SLC31A1: variants seen among roughly 807,000 people sequenced by gnomAD.
SLC31A1 encodes the protein high affinity copper uptake protein 1.
A neutral mutation model predicts 17.2 loss-of-function variants in SLC31A1; 5 were observed. The observed-to-expected ratio is 0.29, with a 90% CI of 0.15 to 0.61. The LOEUF (loss-of-function observed/expected upper bound fraction) is 0.61, where lower values mean the gene tolerates loss of function less well. Ranked by LOEUF, SLC31A1 falls within the 20% of genes least tolerant of loss-of-function variation. The pLI is 0.86. For synonymous variants in SLC31A1, 76 were observed against 78.8 expected (o/e 0.96, Z 0.19); for missense variants, 161 against 241.4 (o/e 0.67, Z 2.21).
At chr9:113,245,598 T>C (rs1260759419) in intron 1 of SLC31A1, among the ~76,000 whole-genome samples, 1 of 152,106 alleles carries the variant, frequency 6.6e-6, no homozygotes, top group Non-Finnish European at 1.5e-5. Context: ...ACTACGTTTT[T>C]TCCAAGCAAC....
At chr9:113,234,337 C>T (rs1357578293) in intron 1 of SLC31A1, among the ~76,000 whole-genome samples, 2 of 151,720 alleles carry the variant, frequency 1.3e-5, no homozygotes, top group East Asian at 3.9e-4. Flanking sequence ...CCGCTACGTC[C>T]AGCTAATTTT....
chr9:113,228,892 G>C (rs1587986966), intron 1 of SLC31A1, among the ~76,000 whole-genome samples: 1 of 152,224 alleles, frequency 6.6e-6, no homozygotes, highest in African/African-American at 2.4e-5. Flanking sequence ...TGTTGCCCAG[G>C]CTGAAGTGCA....
At chr9:113,246,404 T>G (rs1004396925) in intron 1 of SLC31A1, among the ~76,000 whole-genome samples, 8 of 151,564 alleles carry the variant, frequency 5.3e-5, no homozygotes, top group African/African-American at 9.7e-5. Flanking sequence ...CAGGCTGGAG[T>G]GCAGTGGCAC....
At chr9:113,254,832 G>A (rs1184432737) in intron 1 of SLC31A1, among the ~76,000 whole-genome samples, 1 of 152,016 alleles carries the variant, frequency 6.6e-6, no homozygotes, top group Non-Finnish European at 1.5e-5. Context: ...CCAGGAGGCA[G>A]AGGTTGCAGT....
chr9:113,243,503 C>T (rs10817465), intron 1 of SLC31A1, among the ~76,000 whole-genome samples: 89,047 of 150,568 alleles, frequency 0.59, 26,344 homozygotes, highest in East Asian at 0.73. Context: ...AAAGATGAAA[C>T]TTATGATAGA....
intron 1 of SLC31A1, among the ~76,000 whole-genome samples, chr9:113,252,929 C>T (rs1397404720): frequency 1.3e-5 from 2 of 149,530 alleles, no homozygotes; most frequent in African/African-American, 2.5e-5. Flanking sequence ...TCCTGGCTAG[C>T]GAAAGTCTTT....
At chr9:113,232,911 G>A (rs1016649477) in intron 1 of SLC31A1, among the ~76,000 whole-genome samples, 3 of 151,946 alleles carry the variant, frequency 2.0e-5, no homozygotes, top group Admixed American at 6.6e-5. Context: ...GACAAATCAA[G>A]GATTTGAGGA....
At chr9:113,259,442 A>G (rs2118519492) in intron 4 of SLC31A1, among the ~76,000 whole-genome samples, 1 of 152,246 alleles carries the variant, frequency 6.6e-6, no homozygotes, top group Non-Finnish European at 1.5e-5. Context: ...TATTGTACTG[A>G]TGAGCTTACT....
At chr9:113,241,691 C>T (rs1479145243) in intron 1 of SLC31A1, among the ~76,000 whole-genome samples, 1 of 152,104 alleles carries the variant, frequency 6.6e-6, no homozygotes, top group Non-Finnish European at 1.5e-5. Flanking sequence ...TTGTTTGGAG[C>T]CAGACTTCTC....
At chr9:113,234,084 A>G (rs917565474) in intron 1 of SLC31A1, among the ~76,000 whole-genome samples, 3 of 152,074 alleles carry the variant, frequency 2.0e-5, no homozygotes, top group Non-Finnish European at 4.4e-5. Context: ...CCTTGAGTAC[A>G]CACATATACA....
intron 1 of SLC31A1, among the ~76,000 whole-genome samples, chr9:113,224,324 G>A (rs1587985258): frequency 6.6e-6 from 1 of 152,130 alleles, no homozygotes; most frequent in East Asian, 1.9e-4. Context: ...CACTTGCAAA[G>A]CAGTCTCACT....
chr9:113,250,517 G>T (rs1831637022), intron 1 of SLC31A1, among the ~76,000 whole-genome samples: 1 of 146,538 alleles, frequency 6.8e-6, no homozygotes, highest in South Asian at 2.3e-4. Flanking sequence ...ATCACACTCT[G>T]GGGACTGTTG....
intron 1 of SLC31A1, among the ~76,000 whole-genome samples, chr9:113,237,274 C>G (rs931407850): frequency 2.6e-5 from 4 of 152,170 alleles, no homozygotes; most frequent in Non-Finnish European, 5.9e-5. Flanking sequence ...CACAACTGCT[C>G]TGGAGGGGGG....
chr9:113,251,441 AT>A (rs1831652647), intron 1 of SLC31A1, among the ~76,000 whole-genome samples: 2 of 152,072 alleles, frequency 1.3e-5, no homozygotes, highest in Non-Finnish European at 2.9e-5. Flanking sequence ...AAAATAAAAA[AT>A]AAAAATAGAG....
At chr9:113,257,029 T>C (rs1034131226) in intron 2 of SLC31A1, 84 bp from the exon 3 acceptor site, 1 of 1,121,524 alleles carries the variant, frequency 8.9e-7, no homozygotes, top group African/African-American at 1.5e-5. Context: ...TCTTCTACTT[T>C]TAAATGTTCT....
In SLC31A1 at chr9:113,260,580, T is replaced by TACACACACACACACACACACACACAC. The variant is rs57266996; in HGVS notation, c.*114_*139dup. ...CCCTTCTTGCTCCTCTTTGTGCACG[T>TACACACACACACACACACACACACAC]ACACACACACACACACACACACACA... is the stretch of plus-strand genomic sequence containing the variant. On this transcript the variant is annotated 3_prime_UTR_variant, in exon 5 of 5. Coordinates refer to ENST00000374212, the MANE Select transcript of SLC31A1 (RefSeq NM_001859.4). The TACACACACACACACACACACACACAC allele has an allele frequency of 1.6e-5, 10 of 631,846 alleles. No individual in the cohort carries two copies. The highest frequency in any genetic ancestry group is 1.3e-4 in the African/African-American group (7 of 53,584). The allele number at this position is 631,846 out of a possible 1,614,324, so 39.1% of individuals were successfully genotyped here.
chr9:113,244,141 G>A (rs1330274311), intron 1 of SLC31A1, among the ~76,000 whole-genome samples: 1 of 96,254 alleles, frequency 1.0e-5, no homozygotes, highest in Non-Finnish European at 1.8e-5. Context: ...GGTGACAAGA[G>A]CAAAACTCCA....
intron 1 of SLC31A1, among the ~76,000 whole-genome samples, chr9:113,225,483 A>C (rs1303646255): frequency 6.6e-6 from 1 of 152,226 alleles, no homozygotes; most frequent in East Asian, 1.9e-4. Context: ...GTCAGTAGCC[A>C]CTTCATTTTC....
In SLC31A1 at chr9:113,230,688, T is replaced by G. The variant is rs1388760701; in HGVS notation, c.-36+9010T>G. On this transcript the variant is annotated intron_variant, in intron 1 of 4. Transcript: ENST00000374212. Reference sequence around the variant, plus strand: ...GCGTATACATCACCTCAAACATTTATCATTTCTTTATGGTAAGAACATTCA... The same window carrying G: ...GCGTATACATCACCTCAAACATTTAGCATTTCTTTATGGTAAGAACATTCA... Among the ~76,000 whole-genome samples, 5 of 152,368 alleles carry G rather than the reference T, an allele frequency of 3.3e-5. No homozygotes were observed. The East Asian group carries it at 9.6e-4, about 29-fold the overall frequency.
Sources: allele counts gnomAD v4.1 joint callset (sites outside exome capture counted in the v4.1 genomes callset), GRCh38; gene constraint gnomAD v4.1.1; transcripts MANE v1.5; gene names NCBI Gene and HGNC (gene_info 2026-07-23, HGNC 2026-07-21).